Variants in HECTD4 observed in about 807,000 individuals in gnomAD.
HECTD4 encodes the protein probable E3 ubiquitin-protein ligase HECTD4.
HECTD4 carries 114 observed loss-of-function variants against 471.5 expected under a neutral mutation model. The ratio of observed to expected loss-of-function variants is 0.24; its 90% CI spans 0.21 to 0.28. HECTD4 has a LOEUF of 0.28. Ranked by LOEUF, HECTD4 falls within the 10% of genes least tolerant of loss-of-function variation. HECTD4 has a pLI of 1.00. For missense variants in HECTD4, 3,866 were observed against 5,651.5 expected (o/e 0.68, Z 10.13); for synonymous variants, 2,012 against 2,256.0 (o/e 0.89, Z 3.07).
In HECTD4 at chr12:112,248,613, C is replaced by G. The variant is rs2033811470; in HGVS notation, c.3951-101G>C. 4 of 765,434 alleles carry G rather than the reference C, an allele frequency of 5.2e-6. No homozygotes were observed. In the Admixed American group the frequency reaches 1.4e-4, roughly 27 times the overall value. The allele number at this position is 765,434 out of a possible 1,614,324, so 47.4% of individuals were successfully genotyped here. On this transcript the variant is annotated intron_variant, in intron 25 of 75. Transcript: ENST00000682272. ...TTATTTCTTTAGAGACAAGGTCTCCCTCTGTCACCTAGGCTGCAGTTCAGT... is the reference window on the plus strand; with the variant it reads ...TTATTTCTTTAGAGACAAGGTCTCCGTCTGTCACCTAGGCTGCAGTTCAGT...
In HECTD4 at chr12:112,237,027, G is replaced by C; in HGVS notation, c.5362C>G (p.Arg1788Gly). The change falls in exon 35 of 76, where the codon CGA becomes GGA. Residue 1788 changes from arginine to glycine, a missense_variant. By Grantham distance (125) the Arg-to-Gly change is moderately radical. Transcript: ENST00000682272. Reference sequence around the variant, plus strand: ...TGGTTGCCACAGCACTCTGTGGCTCGGGCAAGATGGTTAGTGAGAAGGCTG... The same window carrying C: ...TGGTTGCCACAGCACTCTGTGGCTCCGGCAAGATGGTTAGTGAGAAGGCTG... ...VSSLLTNHLA[R>G]ATECCGNQAA... 6.2e-7 allele frequency: 1 copy of C among 1,609,084 alleles called. No homozygotes were observed. Among genetic ancestry groups the C allele is most frequent in the Non-Finnish European group, 8.5e-7 (1 of 1,177,982 alleles).
chr12:112,317,844 G>C (rs2035510468), intron 2 of HECTD4, among the ~76,000 whole-genome samples: 1 of 151,696 alleles, frequency 6.6e-6, no homozygotes, highest in African/African-American at 2.4e-5. Context: ...GCCAGCCATG[G>C]TGGCAGGTGC....
rs545753634 is a variant in HECTD4, at chr12:112,197,816, T to C, written c.8568-2750A>G. ...GCTTTAAAAGCTTTTAATAATACCA[T>C]GTTGATATTCAAGCATGTATGTTTG... On this transcript the variant is annotated intron_variant, in intron 55 of 75. Coordinates refer to ENST00000682272, the MANE Select transcript of HECTD4 (RefSeq NM_001388303.1). Among the ~76,000 whole-genome samples the C allele has an allele frequency of 2.0e-5, 3 of 152,320 alleles. No homozygotes were observed. In the East Asian group the frequency reaches 5.8e-4, roughly 29 times the overall value.
chr12:112,271,577 G>C (rs904556586), intron 11 of HECTD4, among the ~76,000 whole-genome samples: 1 of 152,176 alleles, frequency 6.6e-6, no homozygotes, highest in African/African-American at 2.4e-5. Context: ...TGAACCCACA[G>C]GGAAGGAAAT....
rs1247220603 is a variant in HECTD4 at position 112,235,872 on chromosome 12, C to A, written c.5445-88G>T. 1.8e-6 allele frequency: 2 copies of A among 1,141,574 alleles called. No homozygotes were observed. Among genetic ancestry groups the A allele is most frequent in the Non-Finnish European group, 2.4e-6 (2 of 816,794 alleles). The allele number at this position is 1,141,574 out of a possible 1,614,324, so 70.7% of individuals were successfully genotyped here. On this transcript the variant is annotated intron_variant, in intron 35 of 75. Coordinates refer to ENST00000682272, the MANE Select transcript of HECTD4 (RefSeq NM_001388303.1). The surrounding 1 kb of genome is among the most constrained non-coding windows in gnomAD (Gnocchi z 5.0). ...CAAGAGTTCTCTGAATGAAACAAACCAATGAAATCTGATTTCACGAGGAAT... is the reference window on the plus strand; with the variant it reads ...CAAGAGTTCTCTGAATGAAACAAACAAATGAAATCTGATTTCACGAGGAAT...
rs1352994540 is a variant in HECTD4 at position 112,162,993 on chromosome 12, G to C, written c.13120+49C>G. On this transcript the variant is annotated intron_variant, in intron 75 of 75. Coordinates refer to ENST00000682272, the MANE Select transcript of HECTD4 (RefSeq NM_001388303.1). This position sits in a 1 kb window ranked among gnomAD's most constrained non-coding sequence, Gnocchi z 5.2. ...CCTGGCAGCCCCAGTTCCAAACAGA[G>C]AAAGGCTAGTGTGTCCCTACTTGGG... The C allele has an allele frequency of 7.8e-6, 11 of 1,417,088 alleles. No homozygotes were observed. The highest frequency in any genetic ancestry group is 9.8e-6 in the Non-Finnish European group (10 of 1,023,006). The allele number at this position is 1,417,088 out of a possible 1,614,324, so 87.8% of individuals were successfully genotyped here. A position where few individuals can be genotyped will look rare whatever the true frequency, so the allele number is the denominator to read the frequency against.
intron 64 of HECTD4, among the ~76,000 whole-genome samples, chr12:112,177,631 C>T (rs999400878): frequency 2.0e-5 from 3 of 152,228 alleles, no homozygotes; most frequent in East Asian, 1.9e-4. Context: ...CCGCCCATCT[C>T]GGCCTCCCAA....
chr12:112,238,936 T>C (rs1256121371), intron 34 of HECTD4, 116 bp downstream of exon 34: 4 of 995,026 alleles, frequency 4.0e-6, no homozygotes, highest in Non-Finnish European at 4.3e-6. Context: ...ATTTAACCCA[T>C]CTGATCATGT....
In HECTD4 at chr12:112,171,169, G is replaced by A. The variant is rs2031205186; in HGVS notation, c.11880C>T (p.Arg3960=). Residue 3960 remains arginine, a synonymous_variant, in exon 68 of 76, where the codon CGC becomes CGT. Transcript: ENST00000682272. ...ETFFLPLVEL[R]QTPMYTHSIA... ...TGCTGTGGGTATACATGGGTGTCTG[G>A]CGCAGCTCCACCAGGGGCAGGAAGA... 4 of 1,613,594 alleles carry A rather than the reference G, an allele frequency of 2.5e-6. No homozygotes were observed. Among genetic ancestry groups the A allele is most frequent in the Non-Finnish European group, 3.4e-6 (4 of 1,179,772 alleles).
chr12:112,306,203 T>A lies in HECTD4; in HGVS notation c.1196A>T (p.His399Leu). Reference protein sequence around the residue: ...VCQVVPMPANHLPIGSTMSTV... With the variant: ...VCQVVPMPANLLPIGSTMSTV... ...GCTCATGGTGCTGCCAATGGGGAGGTGATTGGCTGGCATTGGCACCACCTG... is the reference window on the plus strand; with the variant it reads ...GCTCATGGTGCTGCCAATGGGGAGGAGATTGGCTGGCATTGGCACCACCTG... Residue 399 changes from histidine to leucine, a missense_variant, in exon 7 of 76, where the codon CAC becomes CTC. By Grantham distance (99) the His-to-Leu change is moderately conservative. Transcript: ENST00000682272. 1.3e-6 allele frequency: 2 copies of A among 1,582,618 alleles called. No individual in the cohort carries two copies. Among genetic ancestry groups the A allele is most frequent in the Non-Finnish European group, 1.7e-6 (2 of 1,168,044 alleles).
At chr12:112,197,336 T>C (rs562801556) in intron 55 of HECTD4, among the ~76,000 whole-genome samples, 8 of 152,096 alleles carry the variant, frequency 5.3e-5, no homozygotes, top group African/African-American at 9.7e-5. Flanking sequence ...AAAAAAAAAT[T>C]TGAGACAAGG....
intron 48 of HECTD4, 78 bp from the exon 49 acceptor site, chr12:112,212,728 C>T: frequency 1.7e-6 from 2 of 1,167,040 alleles, no homozygotes; most frequent in East Asian, 2.6e-5. Flanking sequence ...CGGAGTGTCA[C>T]CCTACACATC....
Position 112,193,577 on chromosome 12 carries a change from G to A in HECTD4, c.8847C>T (p.Gly2949=), listed in dbSNP as rs1170148973. 2 of 1,613,200 alleles carry A rather than the reference G, an allele frequency of 1.2e-6. No individual in the cohort carries two copies. The highest frequency in any genetic ancestry group is 2.2e-5 in the South Asian group (2 of 90,758). ...NCSATDLFYQ[G]NSQTVREWLN... ...GCCACTCTCTCACTGTCTGGGAGTTGCCCTGGTAAAAGAGGTCCGTGGCGG... is the reference window on the plus strand; with the variant it reads ...GCCACTCTCTCACTGTCTGGGAGTTACCCTGGTAAAAGAGGTCCGTGGCGG... Residue 2949 remains glycine, a synonymous_variant, in exon 57 of 76, where the codon GGC becomes GGT. Transcript: ENST00000682272. This position sits in a 1 kb window ranked among gnomAD's most constrained non-coding sequence, Gnocchi z 5.2.
At chr12:112,349,894 TTA>T (rs1471571381) in intron 1 of HECTD4, among the ~76,000 whole-genome samples, 1 of 152,176 alleles carries the variant, frequency 6.6e-6, no homozygotes, top group African/African-American at 2.4e-5. Context: ...TTGAATAATT[TTA>T]TATTTCTGTA....
chr12:112,314,371 G>C, intron 3 of HECTD4, 86 bp downstream of exon 3: 3 of 666,124 alleles, frequency 4.5e-6, no homozygotes, highest in South Asian at 3.5e-5. Flanking sequence ...ATTGATAAGA[G>C]TTTAGCAATC....
At chr12:112,283,328 A>T (rs755203431) in intron 7 of HECTD4, 26 bp from the exon 8 acceptor site, 19 of 1,560,064 alleles carry the variant, frequency 1.2e-5, no homozygotes, top group Non-Finnish European at 1.6e-5. Context: ...AGGAGGTCCT[A>T]AAATGATATC....
Position 112,239,761 on chromosome 12 carries a change from G to T in HECTD4, c.5105+120C>A. On this transcript the variant is annotated intron_variant, in intron 33 of 75. Transcript: ENST00000682272. This position sits in a 1 kb window ranked among gnomAD's most constrained non-coding sequence, Gnocchi z 4.9. ...AAGTGTCTTTCAGGAGAAAAGTTTT[G>T]TATAGCTAGCTCTGGATAATGAAAG... 1 of 883,430 alleles carries T rather than the reference G, an allele frequency of 1.1e-6. No individual in the cohort carries two copies. The highest frequency in any genetic ancestry group is 1.6e-6 in the Non-Finnish European group (1 of 614,694). The allele number at this position is 883,430 out of a possible 1,614,324, so 54.7% of individuals were successfully genotyped here. A position where few individuals can be genotyped will look rare whatever the true frequency, so the allele number is the denominator to read the frequency against.
At chr12:112,214,413 T>C (rs2032853615) in intron 48 of HECTD4, among the ~76,000 whole-genome samples, 1 of 152,212 alleles carries the variant, frequency 6.6e-6, no homozygotes, top group South Asian at 2.1e-4. Context: ...GGCTGGGGAC[T>C]TGTCATTGTT....
Position 112,163,958 on chromosome 12 carries a change from A to G in HECTD4, c.12701+151T>C. ...CTGAGGACCCTCTTTCTTGGCACCC[A>G]CCATCCTGCCTCATCTCCCTCTCCT... On this transcript the variant is annotated intron_variant, in intron 73 of 75. Transcript: ENST00000682272. The surrounding 1 kb of genome is among the most constrained non-coding windows in gnomAD (Gnocchi z 8.2). 1 of 918,418 alleles carries G rather than the reference A, an allele frequency of 1.1e-6. No homozygotes were observed. The highest frequency in any genetic ancestry group is 1.5e-6 in the Non-Finnish European group (1 of 657,570). The allele number at this position is 918,418 out of a possible 1,614,324, so 56.9% of individuals were successfully genotyped here.
Sources: gnomAD v4.1 joint callset for allele counts (sites outside exome capture counted in the v4.1 genomes callset) on GRCh38, gnomAD v4.1.1 for gene constraint, Gnocchi (gnomAD v3.1) non-coding constraint, MANE v1.5 for transcripts, NCBI Gene and HGNC (gene_info 2026-07-23, HGNC 2026-07-21) for gene names.